The following SNCAIP variants were observed in gnomAD, a reference collection of about 807,000 sequenced individuals.
SNCAIP encodes synuclein alpha interacting protein.
SNCAIP carries 43 observed loss-of-function variants against 86.7 expected under a neutral mutation model. The observed-to-expected ratio is 0.50, with a 90% CI of 0.39 to 0.64. The LOEUF is 0.64. SNCAIP is among the 30% of genes least tolerant of loss of function. The pLI is 0.00. For missense variants in SNCAIP, 981 were observed against 1,103.1 expected (o/e 0.89, Z 1.57); for synonymous variants, 417 against 427.2 (o/e 0.98, Z 0.29).
chr5:122,402,393 T>A (rs1376505790), intron 2 of SNCAIP, among the ~76,000 whole-genome samples: 1 of 152,194 alleles, frequency 6.6e-6, no homozygotes, highest in Non-Finnish European at 1.5e-5. Flanking sequence ...CATCCCTCCC[T>A]CTGAGCATGT....
At chr5:122,373,180 G>A (rs552735597) in intron 1 of SNCAIP, among the ~76,000 whole-genome samples, 6 of 152,174 alleles carry the variant, frequency 3.9e-5, no homozygotes, top group East Asian at 1.9e-4. Context: ...CTGTATATAG[G>A]AAATTGTATT....
intron 3 of SNCAIP, among the ~76,000 whole-genome samples, chr5:122,421,986 T>C (rs1776455262): frequency 6.9e-6 from 1 of 145,922 alleles, no homozygotes; most frequent in Admixed American, 6.9e-5. Context: ...ACACAATCTT[T>C]ATCCAAACTT....
intron 1 of SNCAIP, among the ~76,000 whole-genome samples, chr5:122,385,277 A>G (rs758718908): frequency 3.9e-5 from 6 of 152,226 alleles, no homozygotes; most frequent in African/African-American, 9.6e-5. Context: ...AGAATATTCC[A>G]TAAATGAAGA....
At chr5:122,361,555 T>A (rs1179993142) in intron 1 of SNCAIP, among the ~76,000 whole-genome samples, 1 of 152,210 alleles carries the variant, frequency 6.6e-6, no homozygotes, top group South Asian at 2.1e-4. Flanking sequence ...AGGAGCTGTT[T>A]TTTTAAAAAA....
intron 1 of SNCAIP, among the ~76,000 whole-genome samples, chr5:122,380,053 A>T (rs1370483188): frequency 1.3e-5 from 2 of 151,842 alleles, no homozygotes; most frequent in African/African-American, 4.8e-5. Flanking sequence ...TGCTGGCCTC[A>T]TAAAATGAGT....
At chr5:122,394,503 G>A (rs1287300802) in intron 2 of SNCAIP, among the ~76,000 whole-genome samples, 2 of 152,206 alleles carry the variant, frequency 1.3e-5, no homozygotes, top group Non-Finnish European at 2.9e-5. Flanking sequence ...TAAAAGGGCA[G>A]AACATTCTCC....
At position 122,354,561 on chromosome 5, in the gene SNCAIP, C is replaced by T. The variant is rs561100422; in HGVS notation, c.-46-36528C>T. On this transcript the variant is annotated intron_variant, in intron 1 of 10. Coordinates refer to ENST00000261368, the MANE Select transcript of SNCAIP (RefSeq NM_005460.4). ...TAACTGGCCTGGGATGTTTATGCAA[C>T]TTTTCAGCAAAGGCAATTTAAAGGA... Among the ~76,000 whole-genome samples, 5 of 152,244 alleles carry T rather than the reference C, an allele frequency of 3.3e-5. No homozygotes were observed. In the South Asian group the frequency reaches 1.0e-3, roughly 32 times the overall value.
intron 5 of SNCAIP, among the ~76,000 whole-genome samples, chr5:122,430,502 A>G (rs1403470438): frequency 6.6e-6 from 1 of 152,204 alleles, no homozygotes; most frequent in Non-Finnish European, 1.5e-5. Flanking sequence ...AAAATTGAGT[A>G]TCGGATAGGT....
intron 3 of SNCAIP, among the ~76,000 whole-genome samples, chr5:122,405,447 C>T (rs1166898983): frequency 6.6e-6 from 1 of 152,024 alleles, no homozygotes; most frequent in Non-Finnish European, 1.5e-5. Flanking sequence ...TACATTAATC[C>T]CATTAATCCT....
intron 1 of SNCAIP, among the ~76,000 whole-genome samples, chr5:122,383,107 A>C (rs945638687): frequency 5.9e-5 from 9 of 152,224 alleles, no homozygotes; most frequent in African/African-American, 2.2e-4. Flanking sequence ...TTACCTAGCA[A>C]GCCTGGGCAA....
chr5:122,430,350 G>A (rs896106818), intron 5 of SNCAIP, among the ~76,000 whole-genome samples: 8 of 152,140 alleles, frequency 5.3e-5, no homozygotes, highest in East Asian at 3.9e-4. Flanking sequence ...GAGTTATTGC[G>A]AGAATCTAAG....
At position 122,440,658 on chromosome 5, in the gene SNCAIP, T is replaced by A; in HGVS notation, c.1326T>A (p.Phe442Leu). 6.2e-7 allele frequency: 1 copy of A among 1,613,998 alleles called. No individual in the cohort carries two copies. The highest frequency in any genetic ancestry group is 8.5e-7 in the Non-Finnish European group (1 of 1,179,832). The change falls in exon 7 of 11, where the codon TTT (phenylalanine) becomes TTA (leucine). Residue 442 changes from phenylalanine to leucine, a missense_variant. By Grantham distance (22) the Phe-to-Leu change is conservative (BLOSUM62 0). Coordinates refer to ENST00000261368, the MANE Select transcript of SNCAIP (RefSeq NM_005460.4). ...AGATTCTTCTGTGGCTTCTTCAGTT[T>A]ATGCAAGAACAGGGCATCTCGTTGG... ...QEKILLWLLQ[F>L]MQEQGISLDE...
chr5:122,355,307 TATCTC>T (rs1428955977), intron 1 of SNCAIP, among the ~76,000 whole-genome samples: 2 of 152,204 alleles, frequency 1.3e-5, no homozygotes, highest in African/African-American at 2.4e-5. Context: ...TTCCCCAAAA[TATCTC>T]ATGAGAGTTT....
chr5:122,440,722 G>T lies in SNCAIP; in HGVS notation c.1390G>T (p.Ala464Ser). The T allele has an allele frequency of 1.2e-6, 2 of 1,614,038 alleles. No individual in the cohort carries two copies. Among genetic ancestry groups the T allele is most frequent in the Non-Finnish European group, 1.7e-6 (2 of 1,179,928 alleles). ...GGATGGCAACAGTGCCGTTCACGTA[G>T]CCTCACAGCATGGCTACCTTGGATG... is the stretch of plus-strand genomic sequence containing the variant. ...DQDGNSAVHVASQHGYLGCIQ... is the reference protein window; with the variant it reads ...DQDGNSAVHVSSQHGYLGCIQ... The change falls in exon 7 of 11, where the codon GCC becomes TCC. Residue 464 changes from alanine (A) to serine (S), a missense_variant. Physicochemically the swap from Ala to Ser is moderately conservative, Grantham distance 99. Coordinates refer to ENST00000261368, the MANE Select transcript of SNCAIP (RefSeq NM_005460.4).
In SNCAIP at chr5:122,451,150, G is replaced by T; in HGVS notation, c.2303G>T (p.Ser768Ile). 1 of 1,614,138 alleles carries T rather than the reference G, an allele frequency of 6.2e-7. No homozygotes were observed. Among genetic ancestry groups the T allele is most frequent in the Non-Finnish European group, 8.5e-7 (1 of 1,180,018 alleles). ...GAATCCCAGTATCCAGGCTCAGGGA[G>T]TATTCCTCCAAACCAGCCCTCTGGT... ...DLESQYPGSG[S>I]IPPNQPSGDP... The change falls in exon 10 of 11, where the codon AGT (serine) becomes ATT (isoleucine). Residue 768 changes from serine (S) to isoleucine (I), a missense_variant. Coordinates refer to ENST00000261368, the MANE Select transcript of SNCAIP (RefSeq NM_005460.4).
At chr5:122,367,729 C>A (rs1015819823) in intron 1 of SNCAIP, among the ~76,000 whole-genome samples, 2 of 152,030 alleles carry the variant, frequency 1.3e-5, no homozygotes, top group African/African-American at 2.4e-5. Flanking sequence ...AAGCAGAAAG[C>A]GCCTGTATTA....
At chr5:122,352,002 G>A (rs910467228) in intron 1 of SNCAIP, among the ~76,000 whole-genome samples, 5 of 152,144 alleles carry the variant, frequency 3.3e-5, no homozygotes, top group Non-Finnish European at 7.3e-5. Context: ...AAGCAACAAG[G>A]CTTATGAATG....
chr5:122,440,755 G>C lies in SNCAIP; in HGVS notation c.1422+1G>C. On this transcript the variant is annotated splice_donor_variant, in intron 7 of 10. Coordinates refer to ENST00000261368, the MANE Select transcript of SNCAIP (RefSeq NM_005460.4). LOFTEE classifies it high-confidence loss of function. ...GCATGGCTACCTTGGATGCATACAG[G>C]TACACAGGCCCTGCTGTTTTGCAAT... The C allele has an allele frequency of 6.2e-7, 1 of 1,613,802 alleles. No homozygotes were observed. Among genetic ancestry groups the C allele is most frequent in the Non-Finnish European group, 8.5e-7 (1 of 1,179,724 alleles).
chr5:122,396,959 T>G (rs563677027), intron 2 of SNCAIP, among the ~76,000 whole-genome samples: 2 of 152,298 alleles, frequency 1.3e-5, no homozygotes, highest in Non-Finnish European at 2.9e-5. Flanking sequence ...ATGCTGGTTT[T>G]GGTACTTTTA....
Sources: gnomAD v4.1 joint callset for allele counts (sites outside exome capture counted in the v4.1 genomes callset) on GRCh38, gnomAD v4.1.1 for gene constraint, MANE v1.5 for transcripts, NCBI Gene and HGNC (gene_info 2026-07-23, HGNC 2026-07-21) for gene names.